The following LRRFIP1 variants were observed in gnomAD, a reference collection of about 807,000 sequenced individuals.
LRRFIP1 encodes leucine-rich repeat flightless-interacting protein 1.
A neutral mutation model predicts 104.4 loss-of-function variants in LRRFIP1; 62 were observed. The observed-to-expected ratio is 0.59, with a 90% CI of 0.48 to 0.73. The LOEUF (loss-of-function observed/expected upper bound fraction) is 0.73, where lower values mean the gene tolerates loss of function less well. LRRFIP1 is among the 30% of genes least tolerant of loss of function. LRRFIP1 has a pLI of 0.00. For synonymous variants in LRRFIP1, 300 were observed against 299.0 expected (o/e 1.00, Z -0.03); for missense variants, 796 against 824.5 (o/e 0.97, Z 0.42).
chr2:237,719,027 CT>C (rs1335613981), intron 4 of LRRFIP1, among the ~76,000 whole-genome samples: 2 of 152,058 alleles, frequency 1.3e-5, no homozygotes, highest in East Asian at 3.8e-4. Context: ...CTAATTATAA[CT>C]GAGCAACTTG....
At chr2:237,687,375 C>T (rs779708970) in intron 1 of LRRFIP1, among the ~76,000 whole-genome samples, 4 of 151,982 alleles carry the variant, frequency 2.6e-5, no homozygotes, top group Non-Finnish European at 4.4e-5. Flanking sequence ...GAGGGTGAGG[C>T]GGGTGGTTCA....
At chr2:237,682,059 G>A (rs7588573) in intron 1 of LRRFIP1, among the ~76,000 whole-genome samples, 105,153 of 151,928 alleles carry the variant, frequency 0.69, 37,561 homozygotes, top group Middle Eastern at 0.84. Flanking sequence ...CCTGAAAGAC[G>A]GCAGAAGCTC....
At chr2:237,676,952 C>T (rs542481623) in intron 1 of LRRFIP1, among the ~76,000 whole-genome samples, 1 of 152,222 alleles carries the variant, frequency 6.6e-6, no homozygotes, top group African/African-American at 2.4e-5. Context: ...GGAAACTCTG[C>T]GCTGGCTTTC....
At chr2:237,770,193 A>T (rs1415160705) in intron 20 of LRRFIP1, 2 of 561,088 alleles carry the variant, frequency 3.6e-6, no homozygotes, top group Non-Finnish European at 6.4e-6. Flanking sequence ...ATCCTGAGTC[A>T]TATGAGGTTT....
intron 1 of LRRFIP1, among the ~76,000 whole-genome samples, chr2:237,636,408 C>T (rs1235929824): frequency 1.4e-5 from 2 of 146,080 alleles, no homozygotes; most frequent in East Asian, 2.0e-4. Flanking sequence ...TTCAACTTTA[C>T]CATCCACTCC....
intron 1 of LRRFIP1, among the ~76,000 whole-genome samples, chr2:237,656,736 A>T (rs1414263632): frequency 2.0e-5 from 3 of 152,276 alleles, no homozygotes; most frequent in Non-Finnish European, 4.4e-5. Context: ...GGCAAAAAAT[A>T]TAATCAGAAG....
chr2:237,674,999 A>T (rs1047697068), intron 1 of LRRFIP1, among the ~76,000 whole-genome samples: 1 of 152,194 alleles, frequency 6.6e-6, no homozygotes, highest in Non-Finnish European at 1.5e-5. Flanking sequence ...AGCCCGGAGC[A>T]CGCTGCTTCC....
chr2:237,771,992 C>A, intron 20 of LRRFIP1, 89 bp from the exon 21 acceptor site: 3 of 837,810 alleles, frequency 3.6e-6, no homozygotes, highest in Non-Finnish European at 5.9e-6. Context: ...ATTTGACATG[C>A]TGCTTCCTTT....
intron 1 of LRRFIP1, among the ~76,000 whole-genome samples, chr2:237,694,149 C>G (rs894776739): frequency 6.6e-6 from 1 of 152,182 alleles, no homozygotes; most frequent in African/African-American, 2.4e-5. Context: ...ACTGATCCCT[C>G]TGAGTGTGAA....
At chr2:237,696,530 A>G (rs1259075346) in intron 1 of LRRFIP1, among the ~76,000 whole-genome samples, 1 of 152,198 alleles carries the variant, frequency 6.6e-6, no homozygotes, top group African/African-American at 2.4e-5. Flanking sequence ...TGCTGCGCCC[A>G]CCTGGTGTTT....
intron 7 of LRRFIP1, 129 bp from the exon 8 acceptor site, chr2:237,727,747 C>G (rs1357972988): frequency 4.4e-6 from 3 of 688,464 alleles, no homozygotes; most frequent in Non-Finnish European, 7.7e-6. Context: ...TTGTACTGTC[C>G]TGGACTGGTC....
In LRRFIP1 at chr2:237,719,644, T is replaced by TGAGGGGGAGCGACCGAGAGAGGAGG. The variant is rs1361929229; in HGVS notation, c.294+77_294+78insGAGGGGGAGCGACCGAGAGAGGAGG. On this transcript the variant is annotated intron_variant, in intron 5 of 23. Coordinates refer to ENST00000308482, the MANE Select transcript of LRRFIP1 (RefSeq NM_001137550.2). ...ATGCTTGCAGTGGCTGAAGTATATA[T>TGAGGGGGAGCGACCGAGAGAGGAGG]AATATATTCAATCTCTTAATGATGA... 11 of 972,768 alleles carry TGAGGGGGAGCGACCGAGAGAGGAGG rather than the reference T, an allele frequency of 1.1e-5. No homozygotes were observed. In the African/African-American group the frequency reaches 1.8e-4, roughly 16 times the overall value. The allele number at this position is 972,768 out of a possible 1,614,324, so 60.3% of individuals were successfully genotyped here.
At chr2:237,758,223 AGTGT>A (rs138141222) in intron 17 of LRRFIP1, among the ~76,000 whole-genome samples, 10 of 149,718 alleles carry the variant, frequency 6.7e-5, no homozygotes, top group African/African-American at 9.8e-5. Flanking sequence ...AGCACTTAGG[AGTGT>A]GTGTGTGTGT....
intron 19 of LRRFIP1, among the ~76,000 whole-genome samples, chr2:237,760,689 C>T (rs1454368332): frequency 1.3e-5 from 2 of 152,158 alleles, no homozygotes; most frequent in Non-Finnish European, 2.9e-5. Flanking sequence ...TTTGAGGGTA[C>T]GGGGTGCCTG....
intron 3 of LRRFIP1, among the ~76,000 whole-genome samples, chr2:237,716,046 A>G (rs1056455889): frequency 2.0e-5 from 3 of 152,258 alleles, no homozygotes; most frequent in African/African-American, 7.2e-5. Context: ...GAAATCTATG[A>G]AAACAGAAAA....
At chr2:237,765,560 A>G (rs1426023998) in intron 19 of LRRFIP1, 3 of 974,242 alleles carry the variant, frequency 3.1e-6, no homozygotes. Flanking sequence ...TAATTAGACT[A>G]TAGTAGGATA....
chr2:237,774,983 C>T (rs2150935802), intron 23 of LRRFIP1, among the ~76,000 whole-genome samples: 1 of 152,386 alleles, frequency 6.6e-6, no homozygotes, highest in South Asian at 2.1e-4. Context: ...CTTTACCTTA[C>T]TGAAGACACT....
intron 9 of LRRFIP1, among the ~76,000 whole-genome samples, chr2:237,734,532 G>A (rs770053640): frequency 3.3e-5 from 5 of 152,056 alleles, no homozygotes; most frequent in East Asian, 3.9e-4. Flanking sequence ...TGCCTGCCTC[G>A]GCCTCCCAGA....
chr2:237,712,686 C>T (rs2094155734), intron 2 of LRRFIP1, among the ~76,000 whole-genome samples: 1 of 152,128 alleles, frequency 6.6e-6, no homozygotes, highest in Non-Finnish European at 1.5e-5. Context: ...CACACGTGAG[C>T]ATCTGTGTAT....
Sources: gnomAD v4.1 joint callset for allele counts (sites outside exome capture counted in the v4.1 genomes callset) on GRCh38, gnomAD v4.1.1 for gene constraint, MANE v1.5 for transcripts, NCBI Gene and HGNC (gene_info 2026-07-23, HGNC 2026-07-21) for gene names.